CTNNA2: variants seen among roughly 807,000 people sequenced by gnomAD.
The protein encoded by CTNNA2 is catenin alpha 2, also known as catenin alpha-2.
Under a neutral mutation model 101.0 loss-of-function variants are expected in CTNNA2, and 42 were observed. The observed-to-expected ratio is 0.42, with a 90% CI of 0.32 to 0.54. The LOEUF is 0.54. CTNNA2 is among the 20% of genes least tolerant of loss of function. The probability of loss-of-function intolerance (pLI) is 0.14; values close to 1 mark genes in which losing one functional copy is unlikely to be tolerated. For missense variants in CTNNA2, 871 were observed against 1,223.1 expected, an observed-to-expected ratio of 0.71 and a Z score of 4.29; for synonymous variants, 450 against 456.4, an observed-to-expected ratio of 0.99 and a Z score of 0.18.
At chr2:80,444,895 C>G (rs958634725) in intron 9 of CTNNA2, among the ~76,000 whole-genome samples, 31 of 152,122 alleles carry the variant, frequency 2.0e-4, no homozygotes, top group African/African-American at 7.5e-4. Flanking sequence ...TATGGCAGCC[C>G]AAGCAGGCTA....
intron 9 of CTNNA2, among the ~76,000 whole-genome samples, chr2:80,513,765 G>T (rs114550127): frequency 6.6e-6 from 1 of 152,250 alleles, no homozygotes; most frequent in African/African-American, 2.4e-5. Flanking sequence ...CAAGAGAGGA[G>T]AAAATGCAAC....
chr2:79,379,754 GT>G (rs1229789482), intron 4 of CTNNA2, among the ~76,000 whole-genome samples: 4 of 152,046 alleles, frequency 2.6e-5, no homozygotes, highest in African/African-American at 9.7e-5. Context: ...GATTATGTTA[GT>G]ATTTCTGGGA....
intron 1 of CTNNA2, among the ~76,000 whole-genome samples, chr2:79,540,417 T>G (rs1423576407): frequency 1.3e-5 from 2 of 152,224 alleles, no homozygotes; most frequent in Non-Finnish European, 2.9e-5. Context: ...ACCGAGTAAG[T>G]GCAACATATG....
At chr2:79,316,397 T>C (rs1676498070) in intron 3 of CTNNA2, among the ~76,000 whole-genome samples, 1 of 152,100 alleles carries the variant, frequency 6.6e-6, no homozygotes, top group South Asian at 2.1e-4. Flanking sequence ...TATTCAAGAC[T>C]GTTTTGGCTA....
Position 80,313,337 on chromosome 2 carries a change from T to C in CTNNA2, c.1057-79874T>C, listed in dbSNP as rs75931210. Reference sequence around the variant, plus strand: ...CATACGTGTTTGCTGCTATTCTTGTTTTTGTTCATTTGTTGTAAGTCAGAT... The same window carrying C: ...CATACGTGTTTGCTGCTATTCTTGTCTTTGTTCATTTGTTGTAAGTCAGAT... On this transcript the variant is annotated intron_variant, in intron 7 of 18. Coordinates refer to ENST00000402739, the MANE Select transcript of CTNNA2 (RefSeq NM_001282597.3). The C allele has an allele frequency of 0.045, 59,132 of 1,313,548 alleles. 2,235 individuals are homozygous for C. Among genetic ancestry groups the C allele is most frequent in the East Asian group, 0.17 (5,707 of 32,708 alleles). The allele number at this position is 1,313,548 out of a possible 1,614,324, so 81.4% of individuals were successfully genotyped here.
intron 7 of CTNNA2, among the ~76,000 whole-genome samples, chr2:80,059,525 G>C (rs1333514681): frequency 6.6e-6 from 1 of 152,186 alleles, no homozygotes; most frequent in Non-Finnish European, 1.5e-5. Flanking sequence ...CTTCAAGCAT[G>C]TCAAGGAATA....
At chr2:79,188,574 A>C (rs1673812223) in intron 1 of CTNNA2, among the ~76,000 whole-genome samples, 1 of 152,230 alleles carries the variant, frequency 6.6e-6, no homozygotes, top group Non-Finnish European at 1.5e-5. Flanking sequence ...TGTGAGGTAC[A>C]GACAATAGAC....
intron 7 of CTNNA2, among the ~76,000 whole-genome samples, chr2:80,255,630 G>T: frequency 6.6e-6 from 1 of 152,158 alleles, no homozygotes; most frequent in Admixed American, 6.6e-5. Flanking sequence ...CTCTCCTACC[G>T]CAACTTTGTT....
At chr2:79,894,048 TTCTTCTTCTTCTTCTTCC>T (rs1478702597) in intron 6 of CTNNA2, among the ~76,000 whole-genome samples, 7 of 116,334 alleles carry the variant, frequency 6.0e-5, no homozygotes, top group African/African-American at 1.2e-4. Context: ...CTTCTTCTTC[TTCTTCTTCTTCTTCTTCC>T]TCCTCCTCCT....
chr2:79,410,097 CTGTT>C (rs1678391602), intron 4 of CTNNA2, among the ~76,000 whole-genome samples: 2 of 148,528 alleles, frequency 1.3e-5, no homozygotes, highest in East Asian at 2.0e-4. Flanking sequence ...ATTTGGCCCT[CTGTT>C]TGTCTGTTAT....
intron 9 of CTNNA2, among the ~76,000 whole-genome samples, chr2:80,425,146 T>C (rs1680882882): frequency 6.6e-6 from 1 of 152,174 alleles, no homozygotes. Flanking sequence ...CTTTTTGATG[T>C]AGTTTAAGTT....
intron 17 of CTNNA2, among the ~76,000 whole-genome samples, chr2:80,612,433 C>A (rs934534586): frequency 6.6e-6 from 1 of 151,544 alleles, no homozygotes; most frequent in East Asian, 1.9e-4. Flanking sequence ...TACAAACATA[C>A]AAACACAGAG....
intron 2 of CTNNA2, among the ~76,000 whole-genome samples, chr2:79,737,650 G>T (rs1474476193): frequency 6.6e-6 from 1 of 152,120 alleles, no homozygotes; most frequent in Non-Finnish European, 1.5e-5. Flanking sequence ...TAGTAGGTCT[G>T]GGATGGGTCC....
rs77375338 is a variant in CTNNA2, at chr2:80,120,537, G to T, written c.1056+210740G>T. ...AGAGTTGCATGGGGATCAGGTGGCTGCCTTTAACTGGCTCTTTCTAATGCC... is the reference window on the plus strand; with the variant it reads ...AGAGTTGCATGGGGATCAGGTGGCTTCCTTTAACTGGCTCTTTCTAATGCC... On this transcript the variant is annotated intron_variant, in intron 7 of 18. Coordinates refer to ENST00000402739, the MANE Select transcript of CTNNA2 (RefSeq NM_001282597.3). 7.2e-4 allele frequency among the ~76,000 whole-genome samples: 109 copies of T among 152,316 alleles called. No homozygotes were observed. In the East Asian group the frequency reaches 0.02, roughly 29 times the overall value.
chr2:80,173,925 C>T (rs1347037760), intron 7 of CTNNA2, among the ~76,000 whole-genome samples: 1 of 152,134 alleles, frequency 6.6e-6, no homozygotes, highest in Non-Finnish European at 1.5e-5. Flanking sequence ...AAAGACTCTT[C>T]TTCTCTCCCG....
At chr2:80,078,149 A>G (rs537748015) in intron 7 of CTNNA2, among the ~76,000 whole-genome samples, 2 of 152,304 alleles carry the variant, frequency 1.3e-5, no homozygotes, top group South Asian at 4.1e-4. Context: ...ACTAGATGCT[A>G]AGTCCAGTGT....
intron 7 of CTNNA2, among the ~76,000 whole-genome samples, chr2:80,061,927 A>C (rs2104381757): frequency 6.6e-6 from 1 of 152,366 alleles, no homozygotes; most frequent in African/African-American, 2.4e-5. Context: ...AACTACTGAA[A>C]GTAAAGCAAA....
intron 7 of CTNNA2, among the ~76,000 whole-genome samples, chr2:80,070,507 C>T (rs993799259): frequency 8.5e-5 from 13 of 152,158 alleles, no homozygotes; most frequent in African/African-American, 3.1e-4. Context: ...AGGAGTTTAA[C>T]ACCAGCCTGA....
chr2:79,189,876 T>A (rs556487053), intron 1 of CTNNA2, among the ~76,000 whole-genome samples: 15 of 152,240 alleles, frequency 9.9e-5, no homozygotes, highest in Admixed American at 2.0e-4. Context: ...CAAAGAAATA[T>A]TTTACAATAA....
Sources: gnomAD v4.1 joint callset for allele counts (sites outside exome capture counted in the v4.1 genomes callset) on GRCh38, gnomAD v4.1.1 for gene constraint, MANE v1.5 for transcripts, NCBI Gene and HGNC (gene_info 2026-07-23, HGNC 2026-07-21) for gene names.